Variants in CENPC observed in about 807,000 individuals in gnomAD.
CENPC encodes the protein centromere protein C.
In CENPC, 63 loss-of-function variants were observed where a neutral mutation model predicts 112.1. The ratio of observed to expected loss-of-function variants is 0.56; its 90% CI spans 0.46 to 0.69. The LOEUF (loss-of-function observed/expected upper bound fraction) is 0.69, where lower values mean the gene tolerates loss of function less well. CENPC is among the 30% of genes least tolerant of loss of function. CENPC has a pLI of 0.00. For synonymous variants in CENPC, 333 were observed against 367.6 expected (o/e 0.91, Z 1.08); for missense variants, 1,000 against 1,103.8 (o/e 0.91, Z 1.33).
intron 2 of CENPC, among the ~76,000 whole-genome samples, chr4:67,541,293 C>T (rs990705015): frequency 1.3e-5 from 2 of 152,144 alleles, no homozygotes; most frequent in African/African-American, 2.4e-5. Context: ...AGTTGAACAG[C>T]CATGTCTAAA....
chr4:67,500,551 T>C (rs1725564155), intron 12 of CENPC, among the ~76,000 whole-genome samples: 1 of 152,090 alleles, frequency 6.6e-6, no homozygotes. Flanking sequence ...GAACATCTTA[T>C]GCCAAAAAAC....
intron 6 of CENPC, 113 bp from the exon 7 acceptor site, chr4:67,518,481 G>A: frequency 1.8e-6 from 2 of 1,115,678 alleles, no homozygotes; most frequent in East Asian, 3.2e-5. Context: ...TTCTGTACTA[G>A]GCATTTATTT....
Position 67,471,466 on chromosome 4 carries a change from T to G in CENPC, c.*1139A>C, listed in dbSNP as rs1302622435. 1 of 152,012 alleles carries G rather than the reference T, an allele frequency of 6.6e-6. No individual in the cohort carries two copies. Among genetic ancestry groups the G allele is most frequent in the Non-Finnish European group, 1.5e-5 (1 of 67,992 alleles). 9.4% of individuals were successfully genotyped at this position (152,012 alleles called of 1,614,324 possible). On this transcript the variant is annotated 3_prime_UTR_variant, in exon 19 of 19. Transcript: ENST00000273853. The stretch of plus-strand genomic sequence containing the variant: ...GCATTCAGTGAAAACTAAATCTGTA[T>G]GGGCCCAGATACTTGATTAGTCAAG...
chr4:67,541,797 T>TCCTC (rs1170459120), intron 2 of CENPC, among the ~76,000 whole-genome samples: 4 of 152,074 alleles, frequency 2.6e-5, no homozygotes, highest in Non-Finnish European at 4.4e-5. Flanking sequence ...ATCACAAAGA[T>TCCTC]CCTCTATTGT....
Position 67,492,892 on chromosome 4 carries a change from A to G in CENPC, c.2396T>C (p.Ile799Thr). The change falls in exon 15 of 19, where the codon ATC (isoleucine) becomes ACC (threonine). Residue 799 changes from isoleucine to threonine, a missense_variant. Ile to Thr is a moderately conservative substitution (Grantham distance 89, BLOSUM62 -1). Coordinates refer to ENST00000273853, the MANE Select transcript of CENPC (RefSeq NM_001812.4). Reference sequence around the variant, plus strand: ...ACTTCTTTCATCGTTATCAAGACAGATCCTTTTCTTATTAGATTTTTTGTT... The same window carrying G: ...ACTTCTTTCATCGTTATCAAGACAGGTCCTTTTCTTATTAGATTTTTTGTT... ...KVNKKSNKKRICLDNDERKTN... is the reference protein window; with the variant it reads ...KVNKKSNKKRTCLDNDERKTN... The G allele has an allele frequency of 6.4e-7, 1 of 1,569,398 alleles. No homozygotes were observed. The highest frequency in any genetic ancestry group is 8.7e-7 in the Non-Finnish European group (1 of 1,152,726).
At chr4:67,505,609 C>T (rs1406755766) in intron 11 of CENPC, among the ~76,000 whole-genome samples, 1 of 151,960 alleles carries the variant, frequency 6.6e-6, no homozygotes, top group Non-Finnish European at 1.5e-5. Flanking sequence ...AATGTAAATG[C>T]TATGTAAATA....
Position 67,508,905 on chromosome 4 carries a change from C to T in CENPC, c.1813G>A (p.Gly605Ser). The change falls in exon 10 of 19, where the codon GGT becomes AGT. Residue 605 changes from glycine (G) to serine (S), a missense_variant. By Grantham distance (56) the Gly-to-Ser change is moderately conservative (BLOSUM62 0). Transcript: ENST00000273853. ...GAACATCTGGAAATTTCATCATGAC[C>T]AACGATACCTCCAGAACCTTCAGCA... The part of the protein sequence containing the change: ...LNAEGSGGIV[G>S]HDEISRCSLS... The T allele has an allele frequency of 6.2e-7, 1 of 1,613,670 alleles. No individual in the cohort carries two copies. The highest frequency in any genetic ancestry group is 8.5e-7 in the Non-Finnish European group (1 of 1,179,740).
chr4:67,492,907 G>C lies in CENPC; in HGVS notation c.2381C>G (p.Ser794Cys). The C allele has an allele frequency of 1.9e-6, 3 of 1,568,568 alleles. No homozygotes were observed. Among genetic ancestry groups the C allele is most frequent in the Non-Finnish European group, 2.6e-6 (3 of 1,153,088 alleles). Residue 794 changes from serine to cysteine, a missense_variant, in exon 15 of 19, where the codon TCT (serine) becomes TGT (cysteine). Coordinates refer to ENST00000273853, the MANE Select transcript of CENPC (RefSeq NM_001812.4). ...ATCAAGACAGATCCTTTTCTTATTA[G>C]ATTTTTTGTTGACTTTTCCAATATT... Reference protein sequence around the residue: ...KENIGKVNKKSNKKRICLDND... With the variant: ...KENIGKVNKKCNKKRICLDND...
At chr4:67,476,107 CAGTCACATAAAAGTAT>C (rs1724797759) in intron 17 of CENPC, among the ~76,000 whole-genome samples, 1 of 152,158 alleles carries the variant, frequency 6.6e-6, no homozygotes, top group Admixed American at 6.5e-5. Context: ...ACTGAACTGC[CAGTCACATAAAAGTAT>C]AGCACATACA....
intron 16 of CENPC, among the ~76,000 whole-genome samples, chr4:67,491,330 C>G (rs1215483597): frequency 6.6e-6 from 1 of 150,596 alleles, no homozygotes; most frequent in East Asian, 2.0e-4. Flanking sequence ...CCCACCACCA[C>G]GCCCAGCTAC....
chr4:67,512,494 T>A lies in CENPC; in HGVS notation c.1520A>T (p.Lys507Ile), dbSNP rs371467580. The change falls in exon 9 of 19, where the codon AAA (lysine) becomes ATA (isoleucine). Residue 507 changes from lysine to isoleucine, a missense_variant. Coordinates refer to ENST00000273853, the MANE Select transcript of CENPC (RefSeq NM_001812.4). The stretch of plus-strand genomic sequence containing the variant: ...TGAAGTCACTTCTTCAGGTACAAGT[T>A]TGTTCTTGGACTCACTGGAAAAGCG... Reference protein sequence around the residue: ...KKRFSSESKNKLVPEEVTSTV... With the variant: ...KKRFSSESKNILVPEEVTSTV... The A allele has an allele frequency of 1.0e-4, 163 of 1,594,826 alleles. No homozygotes were observed. The highest frequency in any genetic ancestry group is 1.4e-4 in the Non-Finnish European group (159 of 1,170,212).
intron 5 of CENPC, among the ~76,000 whole-genome samples, chr4:67,529,327 T>G (rs1726475346): frequency 6.6e-6 from 1 of 152,132 alleles, no homozygotes. Flanking sequence ...TTTATTTATT[T>G]ATTTATTTAT....
intron 12 of CENPC, among the ~76,000 whole-genome samples, chr4:67,500,127 C>T (rs1322976581): frequency 6.6e-6 from 1 of 151,418 alleles, no homozygotes; most frequent in Non-Finnish European, 1.5e-5. Flanking sequence ...GTGAAAATTA[C>T]CAAAATGTGA....
chr4:67,541,129 C>A (rs1726878204), intron 2 of CENPC, 79 bp from the exon 3 acceptor site: 3 of 843,946 alleles, frequency 3.6e-6, no homozygotes, highest in Non-Finnish European at 5.6e-6. Flanking sequence ...TTCCACATCT[C>A]ATTATAAAAT....
intron 12 of CENPC, among the ~76,000 whole-genome samples, chr4:67,504,191 T>C (rs1725672593): frequency 6.6e-6 from 1 of 151,348 alleles, no homozygotes; most frequent in Non-Finnish European, 1.5e-5. Flanking sequence ...TAATGTACTC[T>C]TAAATAACTG....
chr4:67,524,695 G>T (rs1317440782), intron 5 of CENPC, among the ~76,000 whole-genome samples: 2 of 151,764 alleles, frequency 1.3e-5, no homozygotes, highest in Admixed American at 6.6e-5. Context: ...GACACAAAGA[G>T]AAAAAAATTC....
intron 17 of CENPC, among the ~76,000 whole-genome samples, chr4:67,478,783 T>C (rs983598967): frequency 6.6e-6 from 1 of 152,096 alleles, no homozygotes; most frequent in Non-Finnish European, 1.5e-5. Flanking sequence ...AACGGCAGAA[T>C]GCATAAGCAT....
In CENPC at chr4:67,514,529, CGTT is replaced by C; in HGVS notation, c.986_988del (p.Gln329del). Reference sequence around the variant, plus strand: ...AGTGCTCTCAGCCGGGGATATTGTGCGTTGTTTCAGAGACCCTGCCTTTCTTGG... The same window carrying C: ...AGTGCTCTCAGCCGGGGATATTGTGCGTTTCAGAGACCCTGCCTTTCTTGG... On this transcript the variant is annotated inframe_deletion, in exon 8 of 19. Transcript: ENST00000273853. The C allele has an allele frequency of 6.2e-7, 1 of 1,612,734 alleles. No homozygotes were observed. Among genetic ancestry groups the C allele is most frequent in the South Asian group, 1.1e-5 (1 of 90,944 alleles).
intron 17 of CENPC, among the ~76,000 whole-genome samples, chr4:67,481,265 A>ATCCCATGCTCATGGATGGGTAG (rs1177816674): frequency 6.6e-6 from 1 of 152,234 alleles, no homozygotes; most frequent in Non-Finnish European, 1.5e-5. Context: ...CGACATAAAC[A>ATCCCATGCTCATGGATGGGTAG]AATGAAAACA....
Sources: allele counts gnomAD v4.1 joint callset (sites outside exome capture counted in the v4.1 genomes callset), GRCh38; gene constraint gnomAD v4.1.1; transcripts MANE v1.5; gene names NCBI Gene and HGNC (gene_info 2026-07-23, HGNC 2026-07-21).